TLE1: variants seen among roughly 807,000 people sequenced by gnomAD.
TLE1 encodes TLE family member 1, transcriptional corepressor, also known as transducin-like enhancer protein 1.
In TLE1, 21 loss-of-function variants were observed where a neutral mutation model predicts 89.8. The observed-to-expected ratio is 0.23, with a 90% CI of 0.17 to 0.34. The LOEUF is 0.34. Ranked by LOEUF, TLE1 falls within the 10% of genes least tolerant of loss-of-function variation. The pLI is 1.00. For synonymous variants in TLE1, 447 were observed against 407.6 expected, an observed-to-expected ratio of 1.10 and a Z score of -1.16; for missense variants, 795 against 1,031.2, an observed-to-expected ratio of 0.77 and a Z score of 3.14.
intron 6 of TLE1, among the ~76,000 whole-genome samples, chr9:81,649,959 G>A (rs1013523581): frequency 2.6e-5 from 4 of 152,060 alleles, no homozygotes; most frequent in South Asian, 4.2e-4. Context: ...AAGAGCCTTC[G>A]GACATAAATT....
In TLE1 at chr9:81,591,586, A is replaced by C. The variant is rs150186823; in HGVS notation, c.1582-534T>G. 3.5e-4 allele frequency among the ~76,000 whole-genome samples: 54 copies of C among 152,314 alleles called. 1 individual carries two copies. The highest frequency in any genetic ancestry group is 1.3e-3 in the African/African-American group (52 of 41,568). ...TGATAAAAGCAGGCATCTTTCCATC[A>C]AAACCGACACATATGAAGGGGCTGT... is the stretch of plus-strand genomic sequence containing the variant. On this transcript the variant is annotated intron_variant, in intron 15 of 19. Transcript: ENST00000376499.
chr9:81,687,570 G>A (rs1053694019), intron 1 of TLE1, 136 bp from the exon 2 acceptor site: 7 of 654,506 alleles, frequency 1.1e-5, no homozygotes, highest in Admixed American at 7.6e-5. Flanking sequence ...CCAAACTCGA[G>A]TTTGCCCTTC....
At chr9:81,584,568 T>C (rs375787553) in intron 18 of TLE1, 44 bp from the exon 19 acceptor site, 1 of 1,586,200 alleles carries the variant, frequency 6.3e-7, no homozygotes, top group Non-Finnish European at 8.6e-7. Context: ...AGGTTAAAAT[T>C]CCTACTATAC....
intron 6 of TLE1, among the ~76,000 whole-genome samples, chr9:81,641,471 G>A (rs779545373): frequency 2.6e-5 from 4 of 152,174 alleles, no homozygotes; most frequent in Non-Finnish European, 4.4e-5. Context: ...CCATCTCAAT[G>A]CAGGAGCACA....
intron 6 of TLE1, among the ~76,000 whole-genome samples, chr9:81,637,558 T>C (rs1827548100): frequency 6.6e-6 from 1 of 152,056 alleles, no homozygotes; most frequent in Non-Finnish European, 1.5e-5. Context: ...AATCTGACCT[T>C]CTAGGTCCCC....
chr9:81,610,356 TCA>T, intron 13 of TLE1, 60 bp from the exon 14 acceptor site: 4 of 1,219,060 alleles, frequency 3.3e-6, no homozygotes, highest in Non-Finnish European at 4.8e-6. Context: ...TTTGTGAACA[TCA>T]ATACTGTTCA....
intron 6 of TLE1, among the ~76,000 whole-genome samples, chr9:81,643,306 G>A (rs938471372): frequency 2.6e-5 from 4 of 151,562 alleles, no homozygotes; most frequent in East Asian, 2.0e-4. Context: ...GTGCGATCTC[G>A]GCTCACGGCA....
intron 4 of TLE1, among the ~76,000 whole-genome samples, chr9:81,675,698 GTTTTTT>G (rs35060460): frequency 2.3e-5 from 3 of 129,660 alleles, no homozygotes; most frequent in African/African-American, 9.9e-5. Flanking sequence ...ACTCACACTA[GTTTTTT>G]TTTGTTTTTT....
chr9:81,601,828 A>C (rs1830964383), intron 14 of TLE1, among the ~76,000 whole-genome samples: 1 of 152,194 alleles, frequency 6.6e-6, no homozygotes, highest in Non-Finnish European at 1.5e-5. Flanking sequence ...TCTCCTTTAG[A>C]AAAGAATGAA....
chr9:81,610,157 C>G (rs910935770), intron 14 of TLE1, 63 bp downstream of exon 14: 11 of 1,419,348 alleles, frequency 7.8e-6, no homozygotes, highest in African/African-American at 1.4e-5. Context: ...GAATTCTAGT[C>G]TGCTAATACC....
At chr9:81,628,619 G>T (rs1035422175) in intron 8 of TLE1, among the ~76,000 whole-genome samples, 2 of 151,942 alleles carry the variant, frequency 1.3e-5, no homozygotes, top group Non-Finnish European at 2.9e-5. Context: ...AGTAACAAAA[G>T]AAAGAAACCA....
At chr9:81,687,520 G>C (rs1834457649) in intron 1 of TLE1, 86 bp from the exon 2 acceptor site, 12 of 999,518 alleles carry the variant, frequency 1.2e-5, no homozygotes, top group Non-Finnish European at 1.8e-5. Context: ...AGAACGGGTG[G>C]GACATAAACA....
At chr9:81,669,546 G>A (rs1386052923) in intron 4 of TLE1, among the ~76,000 whole-genome samples, 4 of 152,268 alleles carry the variant, frequency 2.6e-5, no homozygotes, top group African/African-American at 9.6e-5. Context: ...CATCTGCAGT[G>A]TAGGGGCATG....
intron 6 of TLE1, among the ~76,000 whole-genome samples, chr9:81,648,567 T>C (rs554051693): frequency 1.3e-5 from 2 of 152,312 alleles, no homozygotes; most frequent in East Asian, 3.9e-4. Context: ...TTATCTGTGA[T>C]GTAAAGAGAA....
intron 6 of TLE1, among the ~76,000 whole-genome samples, 154 bp from the exon 7 acceptor site, chr9:81,634,455 C>T (rs919602095): frequency 6.7e-6 from 1 of 149,754 alleles, no homozygotes. Context: ...CAAAAGGAGC[C>T]AAGAAAGAGA....
chr9:81,683,589 A>T (rs1833887472), intron 4 of TLE1, among the ~76,000 whole-genome samples: 1 of 152,160 alleles, frequency 6.6e-6, no homozygotes, highest in Non-Finnish European at 1.5e-5. Flanking sequence ...ATTCAGAAGG[A>T]TGTTTTTCAA....
intron 2 of TLE1, 38 bp downstream of exon 2, chr9:81,687,296 C>G (rs753358783): frequency 6.4e-7 from 1 of 1,560,104 alleles, no homozygotes; most frequent in Admixed American, 1.9e-5. Flanking sequence ...GGCACCGGGA[C>G]GCCCGCGACC....
intron 8 of TLE1, among the ~76,000 whole-genome samples, chr9:81,621,093 A>G (rs909806816): frequency 3.3e-5 from 5 of 152,212 alleles, no homozygotes; most frequent in Admixed American, 6.5e-5. Context: ...TTATTGTTGA[A>G]AATAAGACTT....
At chr9:81,642,175 A>C (rs1319547532) in intron 6 of TLE1, among the ~76,000 whole-genome samples, 4 of 152,222 alleles carry the variant, frequency 2.6e-5, no homozygotes, top group Non-Finnish European at 5.9e-5. Flanking sequence ...CCTGATGCAA[A>C]ACAACAGTAT....
Sources: gnomAD v4.1 joint callset for allele counts (sites outside exome capture counted in the v4.1 genomes callset) on GRCh38, gnomAD v4.1.1 for gene constraint, MANE v1.5 for transcripts, NCBI Gene and HGNC (gene_info 2026-07-23, HGNC 2026-07-21) for gene names.